The following HOOK3 variants were observed in gnomAD, a reference collection of about 807,000 sequenced individuals.
HOOK3 encodes protein Hook homolog 3.
A neutral mutation model predicts 116.3 loss-of-function variants in HOOK3; 24 were observed. That is an observed-to-expected ratio of 0.21 (90% CI 0.15 to 0.29). HOOK3 has a LOEUF of 0.29. Among genes scored for constraint, HOOK3 ranks in the 10% least tolerant of loss-of-function variants. HOOK3 has a pLI of 1.00. For missense variants in HOOK3, 632 were observed against 830.2 expected (o/e 0.76, Z 2.93); for synonymous variants, 275 against 283.0 (o/e 0.97, Z 0.28).
intron 4 of HOOK3, among the ~76,000 whole-genome samples, chr8:42,938,468 A>T (rs1004472097): frequency 6.6e-6 from 1 of 152,014 alleles, no homozygotes; most frequent in African/African-American, 2.4e-5. Flanking sequence ...CTATTAGTTG[A>T]TGCAGTTTCT....
At chr8:42,938,533 G>C (rs1808021840) in intron 4 of HOOK3, among the ~76,000 whole-genome samples, 1 of 152,046 alleles carries the variant, frequency 6.6e-6, no homozygotes, top group Non-Finnish European at 1.5e-5. Flanking sequence ...GCTGGTACCA[G>C]TTTTTCCTTG....
intron 17 of HOOK3, among the ~76,000 whole-genome samples, chr8:43,004,898 G>C (rs1361048463): frequency 6.6e-6 from 1 of 151,944 alleles, no homozygotes; most frequent in Non-Finnish European, 1.5e-5. Context: ...AAGATTCCTA[G>C]AAATATTGTC....
chr8:42,938,595 C>CA lies in HOOK3; in HGVS notation c.268-4714dup, dbSNP rs536063293. ...TCTTGAAAGGCAGGCCTGGTGGTGA[C>CA]AAAATCTCTCAGCATTTGCTTGTCT... On this transcript the variant is annotated intron_variant, in intron 4 of 21. Transcript: ENST00000307602. Among the ~76,000 whole-genome samples, 343 of 152,240 alleles carry CA rather than the reference C, an allele frequency of 2.3e-3. 9 individuals are homozygous for CA. In the East Asian group the frequency reaches 0.055, roughly 24 times the overall value.
rs188604629 is a variant in HOOK3, at chr8:43,028,680, T to A, written c.*10182T>A. 9 of 193,072 alleles carry A rather than the reference T, an allele frequency of 4.7e-5. No individual in the cohort carries two copies. The Admixed American group carries it at 4.9e-4, about 10-fold the overall frequency. The allele number at this position is 193,072 out of a possible 1,614,324, so 12.0% of individuals were successfully genotyped here. ...CAGTGACTTAGCTAATGAAAACATT[T>A]AAAAATATGTATTAATTTACTTGGC... On this transcript the variant is annotated 3_prime_UTR_variant, in exon 22 of 22. Coordinates refer to ENST00000307602, the MANE Select transcript of HOOK3 (RefSeq NM_032410.4).
intron 21 of HOOK3, 89 bp downstream of exon 21, chr8:43,013,489 C>T (rs989616774): frequency 1.9e-6 from 2 of 1,069,222 alleles, no homozygotes; most frequent in Non-Finnish European, 2.6e-6. Flanking sequence ...GTCACTCTAC[C>T]AAATGAATCT....
chr8:43,017,368 G>A (rs1809744147), intron 21 of HOOK3, among the ~76,000 whole-genome samples: 1 of 152,198 alleles, frequency 6.6e-6, no homozygotes, highest in Non-Finnish European at 1.5e-5. Context: ...CTGGGCTCAA[G>A]CGAGCCTCCC....
At chr8:42,957,761 G>A (rs764156575) in intron 7 of HOOK3, among the ~76,000 whole-genome samples, 2 of 151,672 alleles carry the variant, frequency 1.3e-5, no homozygotes, top group Non-Finnish European at 2.9e-5. Context: ...ATTTTTAAAG[G>A]AATCCCGCAA....
chr8:43,007,095 T>G (rs1188866731), intron 17 of HOOK3, among the ~76,000 whole-genome samples: 1 of 148,666 alleles, frequency 6.7e-6, no homozygotes, highest in Non-Finnish European at 1.5e-5. Context: ...GGCACCATCT[T>G]GGCTCACTGC....
At chr8:42,914,569 A>G (rs1407569839) in intron 2 of HOOK3, among the ~76,000 whole-genome samples, 1 of 152,204 alleles carries the variant, frequency 6.6e-6, no homozygotes, top group Non-Finnish European at 1.5e-5. Context: ...CTTCACCTGC[A>G]TGCTGTTGTG....
At chr8:42,902,458 G>T (rs577388656) in intron 1 of HOOK3, among the ~76,000 whole-genome samples, 1 of 152,140 alleles carries the variant, frequency 6.6e-6, no homozygotes, top group East Asian at 1.9e-4. Flanking sequence ...TTTTTGTAGA[G>T]ACAGAATTTT....
chr8:42,922,693 G>A (rs1177338579), intron 2 of HOOK3, among the ~76,000 whole-genome samples: 1 of 152,146 alleles, frequency 6.6e-6, no homozygotes, highest in South Asian at 2.1e-4. Flanking sequence ...GAGGTCAGGA[G>A]TTCAAGACCA....
intron 2 of HOOK3, among the ~76,000 whole-genome samples, chr8:42,906,475 G>C (rs1279568101): frequency 6.6e-6 from 1 of 152,168 alleles, no homozygotes; most frequent in Non-Finnish European, 1.5e-5. Context: ...GGTTTTAGCA[G>C]AATTATTCTT....
Position 42,966,591 on chromosome 8 carries a change from A to G in HOOK3, c.898A>G (p.Lys300Glu). 2 of 1,614,198 alleles carry G rather than the reference A, an allele frequency of 1.2e-6. No individual in the cohort carries two copies. Among genetic ancestry groups the G allele is most frequent in the Non-Finnish European group, 1.7e-6 (2 of 1,180,018 alleles). Residue 300 changes from lysine (K) to glutamate (E), a missense_variant, in exon 10 of 22, where the codon AAA becomes GAA. Physicochemically the swap from Lys to Glu is moderately conservative, Grantham distance 56. Transcript: ENST00000307602. ...TTTGGCAGATGAAGCTCAGTCTCTG[A>G]AAGATGAGATCGACGTGCTGAGGTA... ...TTLADEAQSL[K>E]DEIDVLRHSS...
intron 8 of HOOK3, among the ~76,000 whole-genome samples, chr8:42,963,500 G>A (rs974910244): frequency 1.3e-5 from 2 of 152,192 alleles, no homozygotes; most frequent in South Asian, 2.1e-4. Context: ...TCGTGTGGGC[G>A]TATGCTTTTA....
chr8:42,941,008 C>T (rs574150049), intron 4 of HOOK3, among the ~76,000 whole-genome samples: 163 of 151,944 alleles, frequency 1.1e-3, no homozygotes, highest in African/African-American at 3.6e-3. Context: ...TGCAGTGGCA[C>T]GACCTCGGCT....
chr8:43,001,775 A>G (rs1218050809), intron 16 of HOOK3, among the ~76,000 whole-genome samples: 1 of 152,210 alleles, frequency 6.6e-6, no homozygotes. Flanking sequence ...TATTATTACT[A>G]GGGTCCTGTC....
In HOOK3 at chr8:42,941,194, G is replaced by A. The variant is rs983549546; in HGVS notation, c.268-2119G>A. 4.7e-5 allele frequency among the ~76,000 whole-genome samples: 7 copies of A among 150,288 alleles called. No homozygotes were observed. In the East Asian group the frequency reaches 6.1e-4, roughly 13 times the overall value. ...ACTCCTGACCTCAGGTGATCCGCCCGCCTTGGCCTCCCGAAGTGCTGGGAT... is the reference window on the plus strand; with the variant it reads ...ACTCCTGACCTCAGGTGATCCGCCCACCTTGGCCTCCCGAAGTGCTGGGAT... On this transcript the variant is annotated intron_variant, in intron 4 of 21. Transcript: ENST00000307602.
In HOOK3 at chr8:42,942,197, A is replaced by G. The variant is rs528727358; in HGVS notation, c.268-1116A>G. ...AGCTTGAACTTGGGAGGTTGCAGTG[A>G]GCCGAGATCATGCCATTGCACTCCA... On this transcript the variant is annotated intron_variant, in intron 4 of 21. Transcript: ENST00000307602. 2.0e-5 allele frequency among the ~76,000 whole-genome samples: 3 copies of G among 152,328 alleles called. No individual in the cohort carries two copies. In the East Asian group the frequency reaches 5.8e-4, roughly 29 times the overall value.
rs773489798 is a variant in HOOK3 at position 42,986,811 on chromosome 8, T to A, written c.1532+16T>A. ...CAGAGAATAGGTAGAGTATTATAGG[T>A]GGCCGCATCTGGCTATAAGTTTTCC... is the stretch of plus-strand genomic sequence containing the variant. On this transcript the variant is annotated intron_variant, in intron 15 of 21. Transcript: ENST00000307602. The A allele has an allele frequency of 2.5e-6, 4 of 1,607,840 alleles. No homozygotes were observed. The highest frequency in any genetic ancestry group is 3.4e-6 in the Non-Finnish European group (4 of 1,177,694).
Sources: allele counts gnomAD v4.1 joint callset (sites outside exome capture counted in the v4.1 genomes callset), GRCh38; gene constraint gnomAD v4.1.1; transcripts MANE v1.5; gene names NCBI Gene and HGNC (gene_info 2026-07-23, HGNC 2026-07-21).